The following MCCC1 variants were observed in gnomAD, a reference collection of about 807,000 sequenced individuals.
MCCC1 encodes the protein methylcrotonoyl-CoA carboxylase subunit alpha, mitochondrial.
Under a neutral mutation model 83.8 loss-of-function variants are expected in MCCC1, and 64 were observed. The observed-to-expected ratio is 0.76, with a 90% CI of 0.62 to 0.94. The LOEUF (loss-of-function observed/expected upper bound fraction) is 0.94. Among genes scored for constraint, MCCC1 ranks in the 40% least tolerant of loss-of-function variants. MCCC1 has a pLI of 0.00. For synonymous variants in MCCC1, 322 were observed against 315.4 expected (o/e 1.02, Z -0.22); for missense variants, 807 against 904.7 (o/e 0.89, Z 1.39).
chr3:183,058,398 T>C (rs1715582854), intron 7 of MCCC1, among the ~76,000 whole-genome samples: 1 of 152,112 alleles, frequency 6.6e-6, no homozygotes, highest in Admixed American at 6.6e-5. Flanking sequence ...GGAGGACTGC[T>C]TGAACCCAGG....
At chr3:183,030,939 A>G (rs1468678916) in intron 14 of MCCC1, among the ~76,000 whole-genome samples, 1 of 152,212 alleles carries the variant, frequency 6.6e-6, no homozygotes, top group African/African-American at 2.4e-5. Flanking sequence ...AAAATACGAC[A>G]TGTATTTAAC....
intron 5 of MCCC1, among the ~76,000 whole-genome samples, chr3:183,071,651 T>A (rs1392234430): frequency 6.6e-6 from 1 of 152,096 alleles, no homozygotes; most frequent in Admixed American, 6.6e-5. Context: ...AAATAACTTA[T>A]GCCTATGACA....
intron 1 of MCCC1, among the ~76,000 whole-genome samples, chr3:183,108,467 A>T (rs1719440577): frequency 6.6e-6 from 1 of 151,516 alleles, no homozygotes; most frequent in South Asian, 2.1e-4. Flanking sequence ...CACTGTAAAT[A>T]TTTTTTTTTG....
At chr3:183,083,912 T>A (rs1042470641) in intron 4 of MCCC1, among the ~76,000 whole-genome samples, 1 of 152,220 alleles carries the variant, frequency 6.6e-6, no homozygotes, top group African/African-American at 2.4e-5. Flanking sequence ...TCTGGTCCAA[T>A]GAATAGGGAA....
At chr3:183,049,705 T>C (rs768277944) in intron 9 of MCCC1, among the ~76,000 whole-genome samples, 5 of 152,110 alleles carry the variant, frequency 3.3e-5, no homozygotes, top group Non-Finnish European at 7.4e-5. Flanking sequence ...ACAGGTCCCA[T>C]GGACATTAAA....
intron 17 of MCCC1, 140 bp from the exon 18 acceptor site, chr3:183,017,477 C>A: frequency 1.3e-6 from 1 of 786,170 alleles, no homozygotes; most frequent in Non-Finnish European, 2.1e-6. Flanking sequence ...AACAATAAAA[C>A]ATAAATAAAA....
At position 183,016,991 on chromosome 3, in the gene MCCC1, C is replaced by T. The variant is rs569931579; in HGVS notation, c.2049+275G>A. ...TCAGTTGGATTATCTTAGAAAATACCAACAGTTAACATTCAGTTGGATTAT... is the reference window on the plus strand; with the variant it reads ...TCAGTTGGATTATCTTAGAAAATACTAACAGTTAACATTCAGTTGGATTAT... On this transcript the variant is annotated intron_variant, in intron 18 of 18. Coordinates refer to ENST00000265594, the MANE Select transcript of MCCC1 (RefSeq NM_020166.5). 25 of 477,974 alleles carry T rather than the reference C, an allele frequency of 5.2e-5. 1 individual carries two copies. The East Asian group carries it at 1.0e-3, about 19-fold the overall frequency. The allele number at this position is 477,974 out of a possible 1,614,324, so 29.6% of individuals were successfully genotyped here. A position where few individuals can be genotyped will look rare whatever the true frequency, so the allele number is the denominator to read the frequency against.
At chr3:183,030,578 A>G (rs1326706666) in intron 14 of MCCC1, among the ~76,000 whole-genome samples, 1 of 152,202 alleles carries the variant, frequency 6.6e-6, no homozygotes, top group African/African-American at 2.4e-5. Flanking sequence ...TGGTTTACAA[A>G]GAGTGATTTT....
intron 14 of MCCC1, among the ~76,000 whole-genome samples, chr3:183,031,491 CTTTTTTTT>C (rs66507233): frequency 1.4e-5 from 1 of 72,698 alleles, no homozygotes; most frequent in Non-Finnish European, 2.4e-5. Context: ...CTTCTGGCAC[CTTTTTTTT>C]TTTTTTTTTT....
chr3:183,080,247 T>C (rs1403231912), intron 4 of MCCC1, among the ~76,000 whole-genome samples: 2 of 152,240 alleles, frequency 1.3e-5, no homozygotes, highest in Non-Finnish European at 1.5e-5. Flanking sequence ...TCTGAACTTT[T>C]ATGCTCTGCT....
intron 1 of MCCC1, among the ~76,000 whole-genome samples, chr3:183,105,071 G>T (rs529134126): frequency 1.5e-4 from 23 of 152,362 alleles, no homozygotes; most frequent in African/African-American, 5.3e-4. Context: ...CAGGCCGGGT[G>T]TGGTGGCTCA....
chr3:183,087,598 G>T (rs199744575), intron 3 of MCCC1, among the ~76,000 whole-genome samples: 18 of 152,226 alleles, frequency 1.2e-4, no homozygotes, highest in Non-Finnish European at 2.1e-4. Context: ...AAGACTGGCC[G>T]GGCATGGTGG....
At chr3:183,104,665 A>T (rs368911859) in intron 1 of MCCC1, among the ~76,000 whole-genome samples, 1 of 152,244 alleles carries the variant, frequency 6.6e-6, no homozygotes, top group East Asian at 1.9e-4. Context: ...ATGGTCAAAG[A>T]ATATGAGGAA....
At chr3:183,030,257 G>A (rs1213939377) in intron 14 of MCCC1, among the ~76,000 whole-genome samples, 1 of 152,090 alleles carries the variant, frequency 6.6e-6, no homozygotes, top group Admixed American at 6.5e-5. Context: ...GCAGTGAGCC[G>A]AGATCATACC....
intron 4 of MCCC1, among the ~76,000 whole-genome samples, chr3:183,080,527 A>G (rs1717412579): frequency 6.6e-6 from 1 of 152,178 alleles, no homozygotes; most frequent in South Asian, 2.1e-4. Flanking sequence ...TTTTGGGCAA[A>G]GCCATTCAGC....
chr3:183,049,986 G>T (rs992048868), intron 9 of MCCC1, among the ~76,000 whole-genome samples: 1 of 152,132 alleles, frequency 6.6e-6, no homozygotes, highest in African/African-American at 2.4e-5. Flanking sequence ...TGAGTGTTGT[G>T]GCACATGCCT....
In MCCC1 at chr3:183,088,210, G is replaced by GT. The variant is rs1553866733; in HGVS notation, c.274-1423dup. Among the ~76,000 whole-genome samples, 1,033 of 139,646 alleles carry GT rather than the reference G, an allele frequency of 7.4e-3. 5 individuals carry two copies. Among genetic ancestry groups the GT allele is most frequent in the African/African-American group, 0.023 (867 of 37,116 alleles). 91.6% of individuals were successfully genotyped at this position (139,646 alleles called of 152,430 possible). On this transcript the variant is annotated intron_variant, in intron 3 of 18. Transcript: ENST00000265594. ...TTTGTTGTTGTTGTTGTTGTTGTGT[G>GT]TTTTTTTTTTTTTTTGAGGTAAGTC...
At chr3:183,016,964 A>C in intron 18 of MCCC1, 1 of 429,388 alleles carries the variant, frequency 2.3e-6, no homozygotes, top group Non-Finnish European at 4.3e-6. Context: ...AACAGTTAAC[A>C]TTCAGTTGGA....
chr3:183,022,301 G>A, intron 16 of MCCC1, 116 bp downstream of exon 16: 1 of 1,249,008 alleles, frequency 8.0e-7, no homozygotes, highest in Non-Finnish European at 1.2e-6. Flanking sequence ...GAGGGAAAAA[G>A]GTCACAGCAG....
Sources: allele counts gnomAD v4.1 joint callset (sites outside exome capture counted in the v4.1 genomes callset), GRCh38; gene constraint gnomAD v4.1.1; transcripts MANE v1.5; gene names NCBI Gene and HGNC (gene_info 2026-07-23, HGNC 2026-07-21).